Variants in LRMDA observed in about 807,000 individuals in gnomAD.
The protein encoded by LRMDA is leucine rich melanocyte differentiation associated, also known as leucine-rich melanocyte differentiation-associated protein.
In LRMDA, 18 loss-of-function variants were observed where a neutral mutation model predicts 29.8. The observed-to-expected ratio is 0.60, with a 90% CI of 0.42 to 0.90. The LOEUF (loss-of-function observed/expected upper bound fraction) is 0.90. Among genes scored for constraint, LRMDA ranks in the 40% least tolerant of loss-of-function variants. LRMDA has a pLI of 0.00. For missense variants in LRMDA, 273 were observed against 273.9 expected (o/e 1.00, Z 0.02); for synonymous variants, 125 against 109.4 (o/e 1.14, Z -0.89).
At chr10:75,767,215 C>T (rs560433976) in intron 2 of LRMDA, among the ~76,000 whole-genome samples, 3 of 152,298 alleles carry the variant, frequency 2.0e-5, no homozygotes, top group African/African-American at 7.2e-5. Context: ...TGAGGAATGG[C>T]CACACTGTCT....
chr10:76,219,380 C>G (rs1038329904), intron 5 of LRMDA, among the ~76,000 whole-genome samples: 4 of 152,150 alleles, frequency 2.6e-5, no homozygotes, highest in African/African-American at 9.6e-5. Context: ...ATCTCACGTG[C>G]AGAGACACAC....
chr10:76,362,063 C>T (rs145218673), intron 6 of LRMDA, among the ~76,000 whole-genome samples: 7 of 152,270 alleles, frequency 4.6e-5, no homozygotes, highest in African/African-American at 7.2e-5. Flanking sequence ...CAGAGGGGAC[C>T]GGAGAGGCTC....
At chr10:75,496,951 C>G (rs978330280) in intron 2 of LRMDA, among the ~76,000 whole-genome samples, 1 of 151,846 alleles carries the variant, frequency 6.6e-6, no homozygotes, top group African/African-American at 2.4e-5. Context: ...CTGCCCTCTC[C>G]CCTCAGGAAT....
intron 2 of LRMDA, among the ~76,000 whole-genome samples, chr10:75,542,757 C>T (rs916730227): frequency 1.3e-5 from 2 of 152,158 alleles, no homozygotes; most frequent in African/African-American, 2.4e-5. Context: ...TGACAGCCAG[C>T]GTCATGTCAT....
At chr10:75,587,238 G>A (rs1340134607) in intron 2 of LRMDA, among the ~76,000 whole-genome samples, 3 of 152,106 alleles carry the variant, frequency 2.0e-5, no homozygotes, top group African/African-American at 7.2e-5. Context: ...TATGCATTTA[G>A]GCTAAACAGA....
At chr10:75,957,014 T>G (rs1846675073) in intron 2 of LRMDA, among the ~76,000 whole-genome samples, 1 of 152,244 alleles carries the variant, frequency 6.6e-6, no homozygotes, top group Non-Finnish European at 1.5e-5. Flanking sequence ...AATGAGTTCC[T>G]TGCAACTAGC....
intron 2 of LRMDA, among the ~76,000 whole-genome samples, chr10:75,502,620 G>A (rs1006877430): frequency 6.6e-6 from 1 of 152,164 alleles, no homozygotes; most frequent in South Asian, 2.1e-4. Context: ...CTCAGGGCCT[G>A]GTTGGCCCTT....
chr10:75,732,268 G>A (rs528777528), intron 2 of LRMDA, among the ~76,000 whole-genome samples: 2 of 152,280 alleles, frequency 1.3e-5, no homozygotes, highest in East Asian at 3.9e-4. Context: ...TTACAGGGAA[G>A]CATGCCTATG....
intron 2 of LRMDA, among the ~76,000 whole-genome samples, chr10:75,993,213 G>A (rs923484936): frequency 6.6e-6 from 1 of 152,058 alleles, no homozygotes; most frequent in Non-Finnish European, 1.5e-5. Flanking sequence ...TTGATCCAAA[G>A]CTACTTTTCT....
intron 5 of LRMDA, among the ~76,000 whole-genome samples, chr10:76,066,626 T>G (rs750969554): frequency 9.2e-5 from 14 of 151,864 alleles, no homozygotes; most frequent in Non-Finnish European, 1.0e-4. Flanking sequence ...AAGGCAGGGG[T>G]GAAAGAGCAG....
chr10:75,531,958 A>T (rs866443946), intron 2 of LRMDA, among the ~76,000 whole-genome samples: 9 of 150,178 alleles, frequency 6.0e-5, no homozygotes, highest in Non-Finnish European at 1.0e-4. Flanking sequence ...AGGTGGGAGG[A>T]TCACTCGAGC....
chr10:75,818,033 A>T (rs1689560769), intron 2 of LRMDA, among the ~76,000 whole-genome samples: 1 of 152,192 alleles, frequency 6.6e-6, no homozygotes. Flanking sequence ...TGGTTCCATG[A>T]ATTGCAGGTG....
chr10:75,531,548 C>T (rs1175850148), intron 2 of LRMDA, among the ~76,000 whole-genome samples: 1 of 152,158 alleles, frequency 6.6e-6, no homozygotes, highest in Non-Finnish European at 1.5e-5. Flanking sequence ...GTGGTGATGA[C>T]TGGTTTGTTT....
At chr10:75,459,083 G>T (rs1564776430) in intron 2 of LRMDA, among the ~76,000 whole-genome samples, 4 of 151,616 alleles carry the variant, frequency 2.6e-5, no homozygotes, top group African/African-American at 9.7e-5. Context: ...GCAGCAAGAT[G>T]GAATGTGGAA....
rs1477747742 is a variant in LRMDA, at chr10:75,438,410, A to T, written c.47A>T (p.Gln16Leu). The T allele has an allele frequency of 6.4e-7, 1 of 1,551,058 alleles. No homozygotes were observed. Among genetic ancestry groups the T allele is most frequent in the East Asian group, 2.4e-5 (1 of 40,912 alleles). Reference protein sequence around the residue: ...VRGTQVSYIGQDCREIPEHLG... With the variant: ...VRGTQVSYIGLDCREIPEHLG... Reference sequence around the variant, plus strand: ...AATTTCCAGGTGTCCTACATAGGCCAGGACTGCAGAGAAATTCCAGAGCAC... The same window carrying T: ...AATTTCCAGGTGTCCTACATAGGCCTGGACTGCAGAGAAATTCCAGAGCAC... Residue 16 changes from glutamine (Q) to leucine (L), a missense_variant, in exon 2 of 7, where the codon CAG becomes CTG. Gln to Leu is a moderately radical substitution (Grantham distance 113). Transcript: ENST00000611255.
At chr10:75,490,066 G>A (rs1844965504) in intron 2 of LRMDA, among the ~76,000 whole-genome samples, 1 of 152,028 alleles carries the variant, frequency 6.6e-6, no homozygotes, top group Non-Finnish European at 1.5e-5. Context: ...TGTCATTTGT[G>A]TCTTACAATA....
intron 6 of LRMDA, among the ~76,000 whole-genome samples, chr10:76,347,098 C>G (rs558681934): frequency 6.6e-6 from 1 of 152,116 alleles, no homozygotes; most frequent in Non-Finnish European, 1.5e-5. Flanking sequence ...GCTTTTATTA[C>G]AGATAGATAA....
intron 2 of LRMDA, among the ~76,000 whole-genome samples, chr10:75,570,650 G>A (rs1334591122): frequency 6.6e-6 from 1 of 152,154 alleles, no homozygotes; most frequent in Non-Finnish European, 1.5e-5. Context: ...ACTCCTAGAC[G>A]AGCTTCAGAG....
intron 2 of LRMDA, among the ~76,000 whole-genome samples, chr10:75,509,201 C>A (rs1845199853): frequency 6.6e-6 from 1 of 152,124 alleles, no homozygotes; most frequent in South Asian, 2.1e-4. Flanking sequence ...ACATCTCCTA[C>A]CCCGTTCGTG....
Sources: gnomAD v4.1 joint callset for allele counts (sites outside exome capture counted in the v4.1 genomes callset) on GRCh38, gnomAD v4.1.1 for gene constraint, MANE v1.5 for transcripts, NCBI Gene and HGNC (gene_info 2026-07-23, HGNC 2026-07-21) for gene names.